The following LARGE1 variants were observed in gnomAD, a reference collection of about 807,000 sequenced individuals.
LARGE1 encodes LARGE xylosyl- and glucuronyltransferase 1, also known as xylosyl- and glucuronyltransferase LARGE1.
A neutral mutation model predicts 87.6 loss-of-function variants in LARGE1; 43 were observed. That is an observed-to-expected ratio of 0.49 (90% confidence interval 0.38 to 0.63). The LOEUF (loss-of-function observed/expected upper bound fraction) is 0.63. Ranked by LOEUF, LARGE1 falls within the 30% of genes least tolerant of loss-of-function variation. The probability of loss-of-function intolerance (pLI) is 0.00; values close to 1 mark genes in which losing one functional copy is unlikely to be tolerated. For missense variants in LARGE1, 802 were observed against 1,000.2 expected (o/e 0.80, Z 2.67); for synonymous variants, 434 against 394.6 (o/e 1.10, Z -1.18).
At chr22:33,717,342 C>T (rs2082942501) in intron 2 of LARGE1, among the ~76,000 whole-genome samples, 1 of 152,198 alleles carries the variant, frequency 6.6e-6, no homozygotes, top group Admixed American at 6.5e-5. Context: ...GAGCCAATCA[C>T]CAACATTTTC....
At chr22:33,911,086 C>G (rs1013974726) in intron 1 of LARGE1, among the ~76,000 whole-genome samples, 11 of 152,120 alleles carry the variant, frequency 7.2e-5, no homozygotes, top group Admixed American at 2.0e-4. Flanking sequence ...ACAAAAATGA[C>G]CGAATGAGAG....
At chr22:33,632,343 T>C (rs969542140) in intron 3 of LARGE1, among the ~76,000 whole-genome samples, 5 of 152,146 alleles carry the variant, frequency 3.3e-5, no homozygotes, top group Non-Finnish European at 7.4e-5. Context: ...AAGCTGGTCT[T>C]GAACTCCTGG....
At chr22:33,313,313 C>A (rs1362793273) in intron 11 of LARGE1, among the ~76,000 whole-genome samples, 1 of 152,170 alleles carries the variant, frequency 6.6e-6, no homozygotes, top group Non-Finnish European at 1.5e-5. Context: ...TCAGGTACTA[C>A]CTCCCCTCGG....
chr22:33,361,926 C>T (rs181318956), intron 9 of LARGE1, among the ~76,000 whole-genome samples: 5 of 149,416 alleles, frequency 3.3e-5, no homozygotes, highest in Middle Eastern at 3.5e-3. Flanking sequence ...CCTAGAGAGA[C>T]CCATTGGTAG....
chr22:33,684,390 G>A (rs998965967), intron 2 of LARGE1, among the ~76,000 whole-genome samples: 3 of 151,836 alleles, frequency 2.0e-5, no homozygotes, highest in Admixed American at 6.6e-5. Flanking sequence ...TATACCCTTC[G>A]CACCCCTGGC....
At chr22:33,426,524 G>A (rs954936776) in intron 7 of LARGE1, among the ~76,000 whole-genome samples, 1 of 152,214 alleles carries the variant, frequency 6.6e-6, no homozygotes, top group Non-Finnish European at 1.5e-5. Context: ...GCAGAGGTAA[G>A]TTGAGCCTAG....
At position 33,316,212 on chromosome 22, in the gene LARGE1, G is replaced by T; in HGVS notation, c.1324C>A (p.Leu442Met). Residue 442 changes from leucine (L) to methionine (M), a missense_variant, in exon 11 of 15, where the codon CTG becomes ATG. Transcript: ENST00000397394. The stretch of plus-strand genomic sequence containing the variant: ...CGCTCTCGCCGGAACTCATAGCACA[G>T]GTCGTCCTCGTCCAGCTCAGACAGC... ...KQLSELDEDD[L>M]CYEFRRERFT... 1.2e-6 allele frequency: 2 copies of T among 1,614,036 alleles called. No individual in the cohort carries two copies. Among genetic ancestry groups the T allele is most frequent in the Non-Finnish European group, 1.7e-6 (2 of 1,179,984 alleles).
chr22:33,469,396 C>CAATA (rs1421137251), intron 6 of LARGE1, among the ~76,000 whole-genome samples: 1 of 152,156 alleles, frequency 6.6e-6, no homozygotes, highest in Non-Finnish European at 1.5e-5. Flanking sequence ...ACGGATGGAG[C>CAATA]TGGATGCCAT....
At chr22:33,342,922 G>A (rs75322092) in intron 9 of LARGE1, among the ~76,000 whole-genome samples, 3 of 152,298 alleles carry the variant, frequency 2.0e-5, no homozygotes, top group African/African-American at 7.2e-5. Context: ...TTTTGCACCT[G>A]AGTTTTTAAT....
chr22:33,837,731 G>A (rs1047905693), intron 1 of LARGE1, among the ~76,000 whole-genome samples: 8 of 152,200 alleles, frequency 5.3e-5, no homozygotes, highest in South Asian at 2.1e-4. Flanking sequence ...GGCCAGAGCC[G>A]GCTCTCAATG....
chr22:33,744,697 T>C (rs948735126), intron 2 of LARGE1, among the ~76,000 whole-genome samples: 10 of 152,240 alleles, frequency 6.6e-5, no homozygotes, highest in African/African-American at 2.4e-4. Context: ...AAACACCTCA[T>C]TGTCCCTGTT....
intron 2 of LARGE1, among the ~76,000 whole-genome samples, chr22:33,690,845 T>C (rs1222731709): frequency 6.6e-6 from 1 of 152,084 alleles, no homozygotes; most frequent in Non-Finnish European, 1.5e-5. Context: ...CCTACATGCC[T>C]GTCCCTCCCT....
downstream of LARGE1, among the ~76,000 whole-genome samples, chr22:33,159,461 T>G (rs1286579336): frequency 6.6e-6 from 1 of 152,108 alleles, no homozygotes; most frequent in African/African-American, 2.4e-5. Context: ...AAAATAAATT[T>G]AAAACATTTT....
intron 1 of LARGE1, among the ~76,000 whole-genome samples, chr22:33,801,491 T>C (rs1181962794): frequency 6.6e-6 from 1 of 152,196 alleles, no homozygotes; most frequent in Non-Finnish European, 1.5e-5. Flanking sequence ...TTATTTCCCA[T>C]CTGTGTATTT....
intron 6 of LARGE1, among the ~76,000 whole-genome samples, chr22:33,498,835 G>C (rs1452642948): frequency 6.6e-6 from 1 of 152,094 alleles, no homozygotes. Flanking sequence ...GCCGGGAGTG[G>C]TGGCGGGGGA....
intron 2 of LARGE1, among the ~76,000 whole-genome samples, chr22:33,692,345 C>G (rs1190060874): frequency 6.6e-6 from 1 of 152,168 alleles, no homozygotes; most frequent in Admixed American, 6.5e-5. Context: ...AAGTTTTGCT[C>G]TGTCACCCAG....
At chr22:33,315,957 A>G in intron 11 of LARGE1, 128 bp downstream of exon 11, 1 of 1,114,090 alleles carries the variant, frequency 9.0e-7, no homozygotes, top group South Asian at 1.4e-5. Context: ...CCCATGTGCC[A>G]TCTCTTCCTG....
intron 6 of LARGE1, among the ~76,000 whole-genome samples, chr22:33,455,872 T>C (rs1213574966): frequency 6.6e-6 from 1 of 152,122 alleles, no homozygotes; most frequent in African/African-American, 2.4e-5. Context: ...ATACTAACTT[T>C]GCTTTAAGTA....
chr22:33,547,310 G>A (rs1010315993), intron 6 of LARGE1, among the ~76,000 whole-genome samples: 7 of 152,056 alleles, frequency 4.6e-5, no homozygotes, highest in African/African-American at 1.7e-4. Flanking sequence ...TTTTCATAAG[G>A]TGCATGCAAC....
Sources: allele counts gnomAD v4.1 joint callset (sites outside exome capture counted in the v4.1 genomes callset), GRCh38; gene constraint gnomAD v4.1.1; transcripts MANE v1.5; gene names NCBI Gene and HGNC (gene_info 2026-07-23, HGNC 2026-07-21).